Variants in ARHGAP26 observed in about 807,000 individuals in gnomAD.
ARHGAP26 encodes the protein rho GTPase-activating protein 26.
Under a neutral mutation model 104.8 loss-of-function variants are expected in ARHGAP26, and 38 were observed. The ratio of observed to expected loss-of-function variants is 0.36; its 90% CI spans 0.28 to 0.48. ARHGAP26 has a LOEUF of 0.48. Ranked by LOEUF, ARHGAP26 falls within the 20% of genes least tolerant of loss-of-function variation. The pLI is 0.99. For missense variants in ARHGAP26, 704 were observed against 947.9 expected (o/e 0.74, Z 3.38); for synonymous variants, 341 against 340.0 (o/e 1.00, Z -0.03).
intron 9 of ARHGAP26, among the ~76,000 whole-genome samples, chr5:142,912,528 G>T (rs1761964582): frequency 6.6e-6 from 1 of 152,134 alleles, no homozygotes; most frequent in Admixed American, 6.5e-5. Flanking sequence ...TCTATAAGTT[G>T]TACAGTTCAA....
Position 142,998,110 on chromosome 5 carries a change from G to A in ARHGAP26, c.1108-15970G>A, listed in dbSNP as rs552868591. 5.3e-5 allele frequency among the ~76,000 whole-genome samples: 8 copies of A among 152,268 alleles called. No homozygotes were observed. The East Asian group carries it at 9.6e-4, about 18-fold the overall frequency. ...GTTTGCTAACTCAGTGTTTGTTGCT[G>A]TGTTATAAAATGTAACTCCTGCAAA... On this transcript the variant is annotated intron_variant, in intron 11 of 22. Transcript: ENST00000645722.
Position 143,145,905 on chromosome 5 carries a change from TA to T in ARHGAP26, c.1838-1325del, listed in dbSNP as rs1160380801. Reference sequence around the variant, plus strand: ...CTAGAATCACTTTGTAAGCATACTTTATTTTTACATACATGACTCGTGCAAA... The same window carrying T: ...CTAGAATCACTTTGTAAGCATACTTTTTTTTACATACATGACTCGTGCAAA... On this transcript the variant is annotated intron_variant, in intron 19 of 22. Coordinates refer to ENST00000645722, the MANE Select transcript of ARHGAP26 (RefSeq NM_001135608.3). 2.6e-5 allele frequency among the ~76,000 whole-genome samples: 4 copies of T among 152,336 alleles called. No homozygotes were observed. In the East Asian group the frequency reaches 7.7e-4, roughly 29 times the overall value.
chr5:142,884,346 A>T (rs927796774), intron 4 of ARHGAP26, among the ~76,000 whole-genome samples: 2 of 152,204 alleles, frequency 1.3e-5, no homozygotes, highest in African/African-American at 4.8e-5. Flanking sequence ...CAAATGGGAG[A>T]TAGAAATAGA....
intron 20 of ARHGAP26, chr5:143,147,631 C>A: frequency 2.3e-6 from 1 of 444,030 alleles, no homozygotes; most frequent in Non-Finnish European, 4.0e-6. Context: ...GCTGAGATGG[C>A]TTTGGTGATA....
At chr5:142,913,563 T>C (rs1762109439) in intron 10 of ARHGAP26, among the ~76,000 whole-genome samples, 1 of 152,232 alleles carries the variant, frequency 6.6e-6, no homozygotes, top group Admixed American at 6.5e-5. Flanking sequence ...TGTTTTACTT[T>C]AATATTAGTG....
rs533639229 is a variant in ARHGAP26, at chr5:143,105,024, CT to C, written c.1539-15957del. Among the ~76,000 whole-genome samples, 30 of 152,172 alleles carry C rather than the reference CT, an allele frequency of 2.0e-4. No homozygotes were observed. The South Asian group carries it at 3.7e-3, about 19-fold the overall frequency. ...AGAAAATAAAAGAGAAAACATGTAT[CT>C]TTTTTTCCCCCTAACGATAGCACTG... On this transcript the variant is annotated intron_variant, in intron 17 of 22. Transcript: ENST00000645722.
At chr5:142,821,873 T>G (rs1170804685) in intron 1 of ARHGAP26, among the ~76,000 whole-genome samples, 1 of 152,220 alleles carries the variant, frequency 6.6e-6, no homozygotes, top group East Asian at 1.9e-4. Context: ...GGTGCTCAGC[T>G]GCTTATAAAT....
At chr5:143,112,534 G>A (rs1794900471) in intron 17 of ARHGAP26, among the ~76,000 whole-genome samples, 1 of 152,200 alleles carries the variant, frequency 6.6e-6, no homozygotes. Context: ...CAGTGGTGGT[G>A]TATAGTCACC....
chr5:142,989,798 T>C (rs1202487327), intron 11 of ARHGAP26, among the ~76,000 whole-genome samples: 1 of 152,206 alleles, frequency 6.6e-6, no homozygotes, highest in Admixed American at 6.5e-5. Context: ...CTCTTCTGAC[T>C]TGTAGAGTTT....
intron 17 of ARHGAP26, among the ~76,000 whole-genome samples, chr5:143,081,056 G>A (rs1401831265): frequency 1.3e-5 from 2 of 152,094 alleles, no homozygotes; most frequent in African/African-American, 2.4e-5. Flanking sequence ...GGCCTTCACT[G>A]GGGGAGAAAC....
intron 11 of ARHGAP26, among the ~76,000 whole-genome samples, chr5:142,967,007 T>C (rs1598422543): frequency 6.6e-6 from 1 of 152,314 alleles, no homozygotes; most frequent in East Asian, 1.9e-4. Flanking sequence ...TAGTGCATAT[T>C]GTACATATGT....
intron 22 of ARHGAP26, among the ~76,000 whole-genome samples, chr5:143,220,751 A>T (rs10054425): frequency 6.6e-6 from 1 of 152,174 alleles, no homozygotes; most frequent in African/African-American, 2.4e-5. Flanking sequence ...GAGGCCAACT[A>T]ATAGATGTTT....
chr5:142,774,860 T>C (rs1010419732), intron 1 of ARHGAP26, among the ~76,000 whole-genome samples: 4 of 152,204 alleles, frequency 2.6e-5, no homozygotes, highest in Admixed American at 6.5e-5. Flanking sequence ...ATTGGCTTTT[T>C]TTCACTTAGC....
intron 1 of ARHGAP26, among the ~76,000 whole-genome samples, chr5:142,816,197 C>T (rs1233837825): frequency 2.6e-5 from 4 of 152,142 alleles, no homozygotes; most frequent in Non-Finnish European, 5.9e-5. Context: ...AAGTTTGGCT[C>T]ATCATTAGAT....
intron 17 of ARHGAP26, among the ~76,000 whole-genome samples, chr5:143,118,433 A>C (rs1171887217): frequency 6.6e-6 from 1 of 152,124 alleles, no homozygotes; most frequent in Non-Finnish European, 1.5e-5. Context: ...TGGTGATTTG[A>C]GGAAAGGTAT....
At chr5:142,843,386 G>T (rs1007787584) in intron 1 of ARHGAP26, among the ~76,000 whole-genome samples, 1 of 152,210 alleles carries the variant, frequency 6.6e-6, no homozygotes, top group Admixed American at 6.5e-5. Flanking sequence ...CTAATGTAGG[G>T]TTCATCCACA....
chr5:142,858,057 G>GAA lies in ARHGAP26; in HGVS notation c.155-15342_155-15341dup, dbSNP rs1490749726. ...AGAGAAGGAATGAGAGAGAGAGAGA[G>GAA]AATCTGTGTGTGTGTGTGTGTGTGT... On this transcript the variant is annotated intron_variant, in intron 1 of 22. Coordinates refer to ENST00000645722, the MANE Select transcript of ARHGAP26 (RefSeq NM_001135608.3). 2.1e-5 allele frequency among the ~76,000 whole-genome samples: 3 copies of GAA among 143,920 alleles called. No homozygotes were observed. In the East Asian group the frequency reaches 6.1e-4, roughly 29 times the overall value. The allele number at this position is 143,920 out of a possible 152,430, so 94.4% of individuals were successfully genotyped here.
intron 11 of ARHGAP26, among the ~76,000 whole-genome samples, chr5:142,943,214 A>G (rs1303105447): frequency 6.6e-6 from 1 of 152,250 alleles, no homozygotes; most frequent in Non-Finnish European, 1.5e-5. Flanking sequence ...AACCTAGGGA[A>G]TATTAAAGTA....
At chr5:143,147,480 C>T in intron 20 of ARHGAP26, 99 bp downstream of exon 20, 1 of 1,392,424 alleles carries the variant, frequency 7.2e-7, no homozygotes. Context: ...ACCATTATCC[C>T]CTGAACATTA....
Sources: gnomAD v4.1 joint callset for allele counts (sites outside exome capture counted in the v4.1 genomes callset) on GRCh38, gnomAD v4.1.1 for gene constraint, MANE v1.5 for transcripts, NCBI Gene and HGNC (gene_info 2026-07-23, HGNC 2026-07-21) for gene names.